Variants in C1orf185 observed in about 807,000 individuals in gnomAD.
The protein encoded by C1orf185 is chromosome 1 open reading frame 185.
Under a neutral mutation model 16.1 loss-of-function variants are expected in C1orf185, and 13 were observed. The ratio of observed to expected loss-of-function variants is 0.81; its 90% CI spans 0.53 to 1.28. The LOEUF (loss-of-function observed/expected upper bound fraction) is 1.28, where lower values mean the gene tolerates loss of function less well. C1orf185 is among the 50% of genes most tolerant of loss of function. The pLI, the probability that C1orf185 is intolerant of heterozygous loss-of-function variation, is 0.00. For missense variants in C1orf185, 220 were observed against 225.2 expected, an observed-to-expected ratio of 0.98 and a Z score of 0.15; for synonymous variants, 80 against 76.9, an observed-to-expected ratio of 1.04 and a Z score of -0.21.
rs1226563780 is a variant in C1orf185, at chr1:51,112,464, GTTTT to G, written c.21_24del (p.Phe7LeufsTer4). Reference sequence around the variant, plus strand: ...AATCTTTTGTAATTTGTTTGTATAGGTTTTTTTAATTACTTGACCTATTTTCTTG... The same window carrying G: ...AATCTTTTGTAATTTGTTTGTATAGGTTTAATTACTTGACCTATTTTCTTG... On this transcript the variant is annotated frameshift_variant and splice_region_variant, in exon 2 of 5. Transcript: ENST00000371759. LOFTEE classifies it high-confidence loss of function. 3 of 1,537,940 alleles carry G rather than the reference GTTTT, an allele frequency of 2.0e-6. No individual in the cohort carries two copies. The highest frequency in any genetic ancestry group is 2.6e-6 in the Non-Finnish European group (3 of 1,142,382).
intron 1 of C1orf185, among the ~76,000 whole-genome samples, chr1:51,103,403 C>G (rs1646046173): frequency 5.6e-5 from 2 of 35,590 alleles, no homozygotes; most frequent in African/African-American, 1.3e-4. Context: ...GAGATCTTGT[C>G]TCGAAAAACA....
intron 3 of C1orf185, among the ~76,000 whole-genome samples, chr1:51,121,422 C>A (rs1396003954): frequency 1.3e-5 from 2 of 152,062 alleles, no homozygotes; most frequent in African/African-American, 2.4e-5. Context: ...TCCAGGTTCA[C>A]CCTGGTTGTC....
intron 3 of C1orf185, among the ~76,000 whole-genome samples, chr1:51,137,970 A>G (rs1295574757): frequency 1.3e-5 from 2 of 152,238 alleles, no homozygotes; most frequent in Admixed American, 6.5e-5. Flanking sequence ...CAAATACTGC[A>G]TGTTCTCATT....
chr1:51,137,213 C>T (rs1395217332), intron 3 of C1orf185, among the ~76,000 whole-genome samples: 1 of 151,960 alleles, frequency 6.6e-6, no homozygotes. Context: ...AATGAGATAC[C>T]ATCTCACCAG....
At chr1:51,102,413 G>T in intron 1 of C1orf185, 164 bp downstream of exon 1, 1 of 422,480 alleles carries the variant, frequency 2.4e-6, no homozygotes, top group Non-Finnish European at 4.3e-6. Flanking sequence ...AGTTATTGGG[G>T]CTATTTTCTT....
chr1:51,121,735 A>T (rs1570301585), intron 3 of C1orf185, among the ~76,000 whole-genome samples: 1 of 152,194 alleles, frequency 6.6e-6, no homozygotes, highest in African/African-American at 2.4e-5. Context: ...ATGATTTCTA[A>T]CAAAAACTTT....
At chr1:51,125,111 G>A (rs1221181381) in intron 3 of C1orf185, among the ~76,000 whole-genome samples, 1 of 152,162 alleles carries the variant, frequency 6.6e-6, no homozygotes, top group East Asian at 1.9e-4. Context: ...TCAAAAGATG[G>A]GATGCGGTTG....
At chr1:51,106,948 A>G (rs778805500) in intron 1 of C1orf185, among the ~76,000 whole-genome samples, 4 of 152,052 alleles carry the variant, frequency 2.6e-5, no homozygotes, top group African/African-American at 4.8e-5. Flanking sequence ...TAGTAGAGAC[A>G]GGGTTTTACC....
At chr1:51,138,265 A>C (rs995611348) in intron 3 of C1orf185, among the ~76,000 whole-genome samples, 1 of 152,182 alleles carries the variant, frequency 6.6e-6, no homozygotes, top group African/African-American at 2.4e-5. Flanking sequence ...TACATTACTT[A>C]TTTTTATTTT....
chr1:51,122,931 CTG>C (rs1339802307), intron 3 of C1orf185, among the ~76,000 whole-genome samples: 5 of 152,154 alleles, frequency 3.3e-5, no homozygotes, highest in Non-Finnish European at 5.9e-5. Context: ...GCTCGATGGC[CTG>C]TCTTAGTCTG....
intron 3 of C1orf185, among the ~76,000 whole-genome samples, chr1:51,123,636 A>G (rs957586753): frequency 2.0e-5 from 3 of 152,320 alleles, no homozygotes; most frequent in Non-Finnish European, 4.4e-5. Context: ...CCCGCAATGC[A>G]TGAGAGTTCC....
At chr1:51,130,512 G>A (rs928227548) in intron 3 of C1orf185, among the ~76,000 whole-genome samples, 1 of 151,974 alleles carries the variant, frequency 6.6e-6, no homozygotes, top group Non-Finnish European at 1.5e-5. Context: ...ATCCTTGCCG[G>A]CATTTGATAC....
chr1:51,146,248 C>T (rs2148034618), intron 4 of C1orf185, among the ~76,000 whole-genome samples: 1 of 151,816 alleles, frequency 6.6e-6, no homozygotes, highest in South Asian at 2.1e-4. Context: ...CACTTGAGGC[C>T]AGGAGTTCAA....
chr1:51,148,857 G>A (rs895323478), downstream of C1orf185, among the ~76,000 whole-genome samples: 11 of 152,168 alleles, frequency 7.2e-5, no homozygotes, highest in Admixed American at 2.0e-4. Flanking sequence ...AGCCCTGAAG[G>A]TTGAGGCTGC....
intron 3 of C1orf185, among the ~76,000 whole-genome samples, chr1:51,120,851 T>A (rs965013231): frequency 3.9e-5 from 6 of 152,178 alleles, no homozygotes; most frequent in Non-Finnish European, 1.5e-5. Flanking sequence ...TTGTATTAGG[T>A]CACTGGGAAT....
intron 2 of C1orf185, among the ~76,000 whole-genome samples, chr1:51,116,495 GTA>G (rs1284025566): frequency 6.6e-6 from 1 of 151,846 alleles, no homozygotes; most frequent in Non-Finnish European, 1.5e-5. Context: ...TGTATTTTTA[GTA>G]GAGACAGGGT....
downstream of C1orf185, chr1:51,148,089 G>A: frequency 5.1e-6 from 1 of 197,314 alleles, no homozygotes; most frequent in Non-Finnish European, 1.0e-5. Flanking sequence ...TCAACAAACG[G>A]GAGAAAAACA....
Position 51,147,908 on chromosome 1 carries a change from C to T in C1orf185, c.*137C>T, listed in dbSNP as rs977705417. The stretch of plus-strand genomic sequence containing the variant: ...TACAATCAGCTTCTGAGTCTCTTAA[C>T]ATGTCCATGCTAATATTGCTTTTTT... On this transcript the variant is annotated 3_prime_UTR_variant, in exon 5 of 5. Transcript: ENST00000371759. 5.2e-6 allele frequency: 4 copies of T among 763,484 alleles called. No homozygotes were observed. The African/African-American group carries it at 5.3e-5, about 10-fold the overall frequency. 47.3% of individuals were successfully genotyped at this position (763,484 alleles called of 1,614,324 possible). A position where few individuals can be genotyped will look rare whatever the true frequency, so the allele number is the denominator to read the frequency against.
downstream of C1orf185, among the ~76,000 whole-genome samples, chr1:51,149,080 C>T (rs977791845): frequency 3.3e-5 from 5 of 152,202 alleles, no homozygotes; most frequent in Non-Finnish European, 7.3e-5. Flanking sequence ...CTATGAGACC[C>T]TTGGTCAAAT....
Sources: gnomAD v4.1 joint callset for allele counts (sites outside exome capture counted in the v4.1 genomes callset) on GRCh38, gnomAD v4.1.1 for gene constraint, MANE v1.5 for transcripts, NCBI Gene and HGNC (gene_info 2026-07-23, HGNC 2026-07-21) for gene names.